The following GNPNAT1 variants were observed in gnomAD, a reference collection of about 807,000 sequenced individuals.
The protein encoded by GNPNAT1 is glucosamine 6-phosphate N-acetyltransferase.
A neutral mutation model predicts 19.8 loss-of-function variants in GNPNAT1; 11 were observed. That is an observed-to-expected ratio of 0.56 (90% CI 0.35 to 0.92). The LOEUF is 0.92. GNPNAT1 is among the 40% of genes least tolerant of loss of function. GNPNAT1 has a pLI of 0.01. For synonymous variants in GNPNAT1, 71 were observed against 72.3 expected (o/e 0.98, Z 0.09); for missense variants, 157 against 211.0 (o/e 0.74, Z 1.59).
chr14:52,787,632 G>A (rs1289420028), intron 1 of GNPNAT1, among the ~76,000 whole-genome samples: 1 of 152,096 alleles, frequency 6.6e-6, no homozygotes, highest in African/African-American at 2.4e-5. Flanking sequence ...TGTGTGATAT[G>A]TACTACGGTA....
intron 1 of GNPNAT1, among the ~76,000 whole-genome samples, chr14:52,785,916 T>A (rs1883006286): frequency 6.6e-6 from 1 of 150,670 alleles, no homozygotes; most frequent in Non-Finnish European, 1.5e-5. Context: ...CCCAGCTAGT[T>A]TTTTTTGTAT....
chr14:52,791,261 A>C lies in GNPNAT1; in HGVS notation c.-15+167T>G, dbSNP rs928406107. Reference sequence around the variant, plus strand: ...CTTCCTGGGAACCGCGCTCCACACCATGTGCACCCAGCTGGCGAGGATTAA... The same window carrying C: ...CTTCCTGGGAACCGCGCTCCACACCCTGTGCACCCAGCTGGCGAGGATTAA... On this transcript the variant is annotated intron_variant, in intron 1 of 5. Coordinates refer to ENST00000216410, the MANE Select transcript of GNPNAT1 (RefSeq NM_198066.4). The surrounding 1 kb of genome is among the most constrained non-coding windows in gnomAD (Gnocchi z 4.1). Among the ~76,000 whole-genome samples, 1 of 151,760 alleles carries C rather than the reference A, an allele frequency of 6.6e-6. No homozygotes were observed. The highest frequency in any genetic ancestry group is 1.5e-5 in the Non-Finnish European group (1 of 67,922).
At chr14:52,781,315 C>T (rs1376106798) in intron 4 of GNPNAT1, among the ~76,000 whole-genome samples, 2 of 152,096 alleles carry the variant, frequency 1.3e-5, no homozygotes, top group African/African-American at 4.8e-5. Flanking sequence ...TGACAGAACA[C>T]ATCCCAAGTG....
chr14:52,783,316 T>A, intron 3 of GNPNAT1, 107 bp downstream of exon 3: 1 of 686,312 alleles, frequency 1.5e-6, no homozygotes, highest in Admixed American at 2.8e-5. Flanking sequence ...GTTCTTTGAA[T>A]AATTTCCAGC....
intron 5 of GNPNAT1, among the ~76,000 whole-genome samples, chr14:52,779,588 C>T (rs1882830780): frequency 6.6e-6 from 1 of 151,736 alleles, no homozygotes; most frequent in Non-Finnish European, 1.5e-5. Context: ...GGTGCAGCGG[C>T]ATGCACCTGT....
intron 1 of GNPNAT1, among the ~76,000 whole-genome samples, chr14:52,786,857 ATTTTTTT>A (rs567085170): frequency 2.6e-4 from 26 of 98,682 alleles, no homozygotes; most frequent in African/African-American, 8.5e-4. Context: ...CAGGTTTTGG[ATTTTTTT>A]TTTTTTTTTT....
In GNPNAT1 at chr14:52,782,303, CAA is replaced by C. The variant is rs370183979; in HGVS notation, c.218-394_218-393del. 5.0e-3 allele frequency among the ~76,000 whole-genome samples: 761 copies of C among 152,184 alleles called. 1 individual carries two copies. The highest frequency in any genetic ancestry group is 8.6e-3 in the Non-Finnish European group (583 of 67,916). On this transcript the variant is annotated intron_variant, in intron 3 of 5. Coordinates refer to ENST00000216410, the MANE Select transcript of GNPNAT1 (RefSeq NM_198066.4). Reference sequence around the variant, plus strand: ...CAAATATAACCTTTGCACATTTTAACAAGAGCATGTTTACATGGCTCAATTCT... The same window carrying C: ...CAAATATAACCTTTGCACATTTTAACGAGCATGTTTACATGGCTCAATTCT...
chr14:52,787,265 G>A (rs1278376522), intron 1 of GNPNAT1, among the ~76,000 whole-genome samples: 1 of 151,870 alleles, frequency 6.6e-6, no homozygotes, highest in Non-Finnish European at 1.5e-5. Flanking sequence ...TATGCTTTAG[G>A]GCAAATATTC....
chr14:52,790,070 C>A (rs1433931332), intron 1 of GNPNAT1, among the ~76,000 whole-genome samples: 5 of 151,100 alleles, frequency 3.3e-5, no homozygotes, highest in Non-Finnish European at 4.4e-5. Flanking sequence ...CTAGTCATCA[C>A]ATCAGTTGAA....
At chr14:52,790,281 C>T (rs1412439538) in intron 1 of GNPNAT1, among the ~76,000 whole-genome samples, 1 of 152,162 alleles carries the variant, frequency 6.6e-6, no homozygotes, top group African/African-American at 2.4e-5. Flanking sequence ...AAGGCCAAAT[C>T]TAAACCAGCC....
intron 1 of GNPNAT1, among the ~76,000 whole-genome samples, chr14:52,785,547 A>AC (rs1467707885): frequency 6.6e-5 from 10 of 150,736 alleles, no homozygotes; most frequent in Middle Eastern, 3.4e-3. Context: ...ACATGGAGAA[A>AC]CCCCCATCTC....
At chr14:52,788,559 T>A (rs979182198) in intron 1 of GNPNAT1, among the ~76,000 whole-genome samples, 7 of 152,220 alleles carry the variant, frequency 4.6e-5, no homozygotes, top group African/African-American at 1.2e-4. Context: ...TTCAGGTATG[T>A]AGATAAACAG....
chr14:52,784,461 G>T, intron 2 of GNPNAT1, 36 bp downstream of exon 2: 1 of 1,465,442 alleles, frequency 6.8e-7, no homozygotes, highest in Non-Finnish European at 9.1e-7. Flanking sequence ...AAAATGGAAG[G>T]CTAACTCTAA....
chr14:52,781,396 T>C (rs1278292468), intron 4 of GNPNAT1, among the ~76,000 whole-genome samples: 1 of 152,130 alleles, frequency 6.6e-6, no homozygotes, highest in Non-Finnish European at 1.5e-5. Context: ...ATGTGAGTTA[T>C]TGAGGGATGA....
At chr14:52,790,331 C>T (rs1345056006) in intron 1 of GNPNAT1, among the ~76,000 whole-genome samples, 2 of 152,166 alleles carry the variant, frequency 1.3e-5, no homozygotes, top group African/African-American at 4.8e-5. Flanking sequence ...CTTCTAAGTA[C>T]AGGTGAATGG....
intron 1 of GNPNAT1, among the ~76,000 whole-genome samples, chr14:52,789,100 G>C (rs1401759347): frequency 3.2e-4 from 49 of 152,170 alleles, no homozygotes; most frequent in Non-Finnish European, 1.5e-5. Flanking sequence ...AATAAGAACA[G>C]AGTGAGGATT....
chr14:52,783,803 A>G (rs938549255), intron 2 of GNPNAT1, among the ~76,000 whole-genome samples: 1 of 152,150 alleles, frequency 6.6e-6, no homozygotes, highest in African/African-American at 2.4e-5. Flanking sequence ...AGGGTGCCAG[A>G]TTTTCCCAAA....
At position 52,778,291 on chromosome 14, in the gene GNPNAT1, A is replaced by T. The variant is rs766647640; in HGVS notation, c.*20T>A. 1 of 1,565,070 alleles carries T rather than the reference A, an allele frequency of 6.4e-7. No homozygotes were observed. Among genetic ancestry groups the T allele is most frequent in the Non-Finnish European group, 8.6e-7 (1 of 1,159,798 alleles). On this transcript the variant is annotated 3_prime_UTR_variant, in exon 6 of 6. Coordinates refer to ENST00000216410, the MANE Select transcript of GNPNAT1 (RefSeq NM_198066.4). Reference sequence around the variant, plus strand: ...TAGCCTTGTAGCATTAGCCCCTTTGACAATTTTCTTACAAGATTTTTACTT... The same window carrying T: ...TAGCCTTGTAGCATTAGCCCCTTTGTCAATTTTCTTACAAGATTTTTACTT...
chr14:52,789,705 C>T (rs963538381), intron 1 of GNPNAT1, among the ~76,000 whole-genome samples: 14 of 152,134 alleles, frequency 9.2e-5, no homozygotes, highest in African/African-American at 3.1e-4. Context: ...CTTTTAGCAT[C>T]TTCAGGTGCC....
Sources: gnomAD v4.1 joint callset for allele counts (sites outside exome capture counted in the v4.1 genomes callset) on GRCh38, gnomAD v4.1.1 for gene constraint, Gnocchi (gnomAD v3.1) non-coding constraint, MANE v1.5 for transcripts, NCBI Gene and HGNC (gene_info 2026-07-23, HGNC 2026-07-21) for gene names.